Variants in PLPP1 observed in about 807,000 individuals in gnomAD.
PLPP1 encodes the protein lipid phosphate phosphohydrolase 1a.
Under a neutral mutation model 31.2 loss-of-function variants are expected in PLPP1, and 24 were observed. The ratio of observed to expected loss-of-function variants is 0.77; its 90% CI spans 0.56 to 1.08. PLPP1 has a LOEUF of 1.08. PLPP1 is among the 50% of genes least tolerant of loss of function. The probability of loss-of-function intolerance (pLI) is 0.00; values close to 1 mark genes in which losing one functional copy is unlikely to be tolerated. For synonymous variants in PLPP1, 146 were observed against 126.3 expected, an observed-to-expected ratio of 1.16 and a Z score of -1.05; for missense variants, 319 against 342.7, an observed-to-expected ratio of 0.93 and a Z score of 0.55.
intron 1 of PLPP1, among the ~76,000 whole-genome samples, chr5:55,477,989 A>G (rs1026014681): frequency 6.6e-6 from 1 of 151,688 alleles, no homozygotes; most frequent in East Asian, 1.9e-4. Flanking sequence ...TAAAAAAAAA[A>G]AAAGAAAGAA....
intron 3 of PLPP1, among the ~76,000 whole-genome samples, chr5:55,451,556 C>CTT (rs565534624): frequency 4.2e-5 from 6 of 142,482 alleles, no homozygotes; most frequent in Non-Finnish European, 6.2e-5. Context: ...TTAGAGAAAC[C>CTT]TTTTTTTTTT....
chr5:55,442,747 A>G (rs756364473), intron 3 of PLPP1, among the ~76,000 whole-genome samples: 11 of 152,132 alleles, frequency 7.2e-5, no homozygotes, highest in Non-Finnish European at 1.3e-4. Context: ...ATTAGAGTCT[A>G]TAAACATCTA....
intron 1 of PLPP1, among the ~76,000 whole-genome samples, chr5:55,491,871 A>AAG (rs1189072906): frequency 2.0e-5 from 3 of 148,220 alleles, no homozygotes; most frequent in East Asian, 1.9e-4. Context: ...AAAAAAAAAA[A>AAG]AAAAAGAAAG....
rs1469807616 is a variant in PLPP1, at chr5:55,457,136, G to C, written c.491+10733C>G. Among the ~76,000 whole-genome samples the C allele has an allele frequency of 1.5e-4, 22 of 151,444 alleles. No individual in the cohort carries two copies. In the East Asian group the frequency reaches 4.3e-3, roughly 29 times the overall value. On this transcript the variant is annotated intron_variant, in intron 3 of 5. Transcript: ENST00000307259. ...GATCACACCACTGCACTCCAGGCTG[G>C]GCGACAGAGTGAGACTCCGTCTCAG...
chr5:55,439,995 C>T (rs1457193567), intron 4 of PLPP1, among the ~76,000 whole-genome samples: 5 of 152,134 alleles, frequency 3.3e-5, no homozygotes, highest in Non-Finnish European at 5.9e-5. Context: ...TCAAGAAACC[C>T]CACAGAGCTC....
chr5:55,470,187 G>A (rs1448919548), intron 2 of PLPP1, among the ~76,000 whole-genome samples: 1 of 152,114 alleles, frequency 6.6e-6, no homozygotes, highest in Non-Finnish European at 1.5e-5. Context: ...TGCCTCCTTA[G>A]GCCATTAAGG....
At chr5:55,530,694 G>A in intron 1 of PLPP1, 4 of 1,583,318 alleles carry the variant, frequency 2.5e-6, no homozygotes, top group Non-Finnish European at 2.6e-6. Context: ...TTCAGGGCAT[G>A]CTCTCTCTTC....
At chr5:55,486,002 T>C (rs1422355688) in intron 1 of PLPP1, among the ~76,000 whole-genome samples, 1 of 152,180 alleles carries the variant, frequency 6.6e-6, no homozygotes, top group Non-Finnish European at 1.5e-5. Context: ...AACAATATAC[T>C]CTTTTTAATG....
chr5:55,515,848 A>T (rs1218746680), intron 1 of PLPP1, among the ~76,000 whole-genome samples: 2 of 152,080 alleles, frequency 1.3e-5, no homozygotes, highest in Non-Finnish European at 2.9e-5. Context: ...ATCAATTCTC[A>T]TGGCTTCAAT....
chr5:55,459,068 C>T (rs550513721), intron 3 of PLPP1, among the ~76,000 whole-genome samples: 1 of 151,378 alleles, frequency 6.6e-6, no homozygotes, highest in South Asian at 2.1e-4. Flanking sequence ...TTCAGAGATT[C>T]GAATAAGCTA....
chr5:55,519,048 G>GA (rs1362578413), intron 1 of PLPP1, among the ~76,000 whole-genome samples: 2 of 152,090 alleles, frequency 1.3e-5, no homozygotes, highest in East Asian at 3.8e-4. Context: ...AAATCCTGAG[G>GA]AAAGGGGGGA....
intron 3 of PLPP1, among the ~76,000 whole-genome samples, chr5:55,460,238 G>GATCT (rs1228227401): frequency 2.0e-5 from 3 of 151,938 alleles, no homozygotes; most frequent in African/African-American, 7.3e-5. Flanking sequence ...CACAGCTAGT[G>GATCT]ATCTAAGCAT....
At chr5:55,525,497 ATT>A (rs2111947898) in intron 1 of PLPP1, among the ~76,000 whole-genome samples, 1 of 152,244 alleles carries the variant, frequency 6.6e-6, no homozygotes, top group East Asian at 1.9e-4. Context: ...CAATTTTATA[ATT>A]TTTGTTTGTT....
At position 55,425,694 on chromosome 5, in the gene PLPP1, C is replaced by T. The variant is rs114336831; in HGVS notation, c.726+169G>A. 454 of 561,204 alleles carry T rather than the reference C, an allele frequency of 8.1e-4. 2 individuals carry two copies. In the African/African-American group the frequency reaches 8.4e-3, roughly 10 times the overall value. 34.8% of individuals were successfully genotyped at this position (561,204 alleles called of 1,614,324 possible). A position where few individuals can be genotyped will look rare whatever the true frequency, so the allele number is the denominator to read the frequency against. ...AACTACTAAGTTTTAGAAAGAGCAACCTAGTTTTTAACCTGGTGTGTATCC... is the reference window on the plus strand; with the variant it reads ...AACTACTAAGTTTTAGAAAGAGCAATCTAGTTTTTAACCTGGTGTGTATCC... On this transcript the variant is annotated intron_variant, in intron 5 of 5. Transcript: ENST00000307259.
At chr5:55,430,795 G>A (rs993167423) in intron 4 of PLPP1, among the ~76,000 whole-genome samples, 3 of 151,942 alleles carry the variant, frequency 2.0e-5, no homozygotes, top group African/African-American at 7.3e-5. Flanking sequence ...AAAAAAAATT[G>A]AAAAAGCTCA....
At chr5:55,453,710 G>C (rs1475952002) in intron 3 of PLPP1, among the ~76,000 whole-genome samples, 1 of 152,144 alleles carries the variant, frequency 6.6e-6, no homozygotes, top group African/African-American at 2.4e-5. Context: ...GGAGGCCAAG[G>C]CTGGAGGATC....
intron 3 of PLPP1, 108 bp downstream of exon 3, chr5:55,467,761 G>T (rs1752335879): frequency 8.1e-7 from 1 of 1,231,932 alleles, no homozygotes; most frequent in Non-Finnish European, 1.1e-6. Flanking sequence ...ACCTCCCAGT[G>T]ATAACACTAA....
intron 1 of PLPP1, chr5:55,491,167 T>G: frequency 5.1e-6 from 8 of 1,565,722 alleles, no homozygotes; most frequent in Non-Finnish European, 6.9e-6. Flanking sequence ...TTCACTTCAT[T>G]AGGAAGTAAA....
chr5:55,493,854 T>C (rs1752947574), intron 1 of PLPP1, among the ~76,000 whole-genome samples: 1 of 143,582 alleles, frequency 7.0e-6, no homozygotes, highest in Non-Finnish European at 1.5e-5. Flanking sequence ...TACTCCAGCC[T>C]GGGCGACAGA....
Sources: allele counts gnomAD v4.1 joint callset (sites outside exome capture counted in the v4.1 genomes callset), GRCh38; gene constraint gnomAD v4.1.1; transcripts MANE v1.5; gene names NCBI Gene and HGNC (gene_info 2026-07-23, HGNC 2026-07-21).